Variants in KHDRBS3 observed in about 807,000 individuals in gnomAD.
The protein encoded by KHDRBS3 is KH domain-containing, RNA-binding, signal transduction-associated protein 3.
KHDRBS3 carries 23 observed loss-of-function variants against 45.6 expected under a neutral mutation model. That is an observed-to-expected ratio of 0.50 (90% CI 0.36 to 0.72). The LOEUF (loss-of-function observed/expected upper bound fraction) is 0.72. Ranked by LOEUF, KHDRBS3 falls within the 30% of genes least tolerant of loss-of-function variation. KHDRBS3 has a pLI of 0.00. For synonymous variants in KHDRBS3, 162 were observed against 156.5 expected (o/e 1.04, Z -0.26); for missense variants, 352 against 424.8 (o/e 0.83, Z 1.51).
intron 7 of KHDRBS3, among the ~76,000 whole-genome samples, chr8:135,630,899 T>G (rs955494494): frequency 5.3e-5 from 8 of 152,200 alleles, no homozygotes; most frequent in Admixed American, 2.0e-4. Context: ...GACGTTACTA[T>G]GCACTATTGT....
At chr8:135,591,053 T>A (rs1828720437) in intron 6 of KHDRBS3, among the ~76,000 whole-genome samples, 1 of 152,226 alleles carries the variant, frequency 6.6e-6, no homozygotes, top group African/African-American at 2.4e-5. Flanking sequence ...AACTATAAGA[T>A]GTTTGTTGAA....
At chr8:135,551,191 A>G (rs1014203382) in intron 4 of KHDRBS3, among the ~76,000 whole-genome samples, 1 of 152,118 alleles carries the variant, frequency 6.6e-6, no homozygotes, top group African/African-American at 2.4e-5. Flanking sequence ...TCATCTGTGA[A>G]TAAAGACAAC....
Position 135,457,821 on chromosome 8 carries a change from C to A in KHDRBS3, c.-46C>A, listed in dbSNP as rs761627193. On this transcript the variant is annotated 5_prime_UTR_variant, in exon 1 of 9. Coordinates refer to ENST00000355849, the MANE Select transcript of KHDRBS3 (RefSeq NM_006558.3). The surrounding 1 kb of genome is among the most constrained non-coding windows in gnomAD (Gnocchi z 4.4). ...GGGTCGGGGGTTGCCGGGCGCCGCC[C>A]CCCGTGCGCCTGGAGTCCACATCCC... 24 of 1,349,104 alleles carry A rather than the reference C, an allele frequency of 1.8e-5. No homozygotes were observed. The African/African-American group carries it at 3.2e-4, about 18-fold the overall frequency. 83.6% of individuals were successfully genotyped at this position (1,349,104 alleles called of 1,614,324 possible). A position where few individuals can be genotyped will look rare whatever the true frequency, so the allele number is the denominator to read the frequency against.
At chr8:135,561,636 T>C (rs765284357) in intron 5 of KHDRBS3, among the ~76,000 whole-genome samples, 9 of 152,118 alleles carry the variant, frequency 5.9e-5, no homozygotes, top group Non-Finnish European at 1.0e-4. Flanking sequence ...GATCACACTT[T>C]TAATACAAGA....
At chr8:135,535,336 C>T (rs1203742256) in intron 2 of KHDRBS3, among the ~76,000 whole-genome samples, 4 of 62,492 alleles carry the variant, frequency 6.4e-5, no homozygotes, top group Admixed American at 3.7e-4. Context: ...TATAGTTAAA[C>T]TATATATAAA....
At chr8:135,484,086 A>G (rs1822724022) in intron 1 of KHDRBS3, among the ~76,000 whole-genome samples, 1 of 152,208 alleles carries the variant, frequency 6.6e-6, no homozygotes, top group Non-Finnish European at 1.5e-5. Flanking sequence ...TCAGTAAATT[A>G]GAGGTAAAAT....
intron 5 of KHDRBS3, among the ~76,000 whole-genome samples, chr8:135,560,033 T>C (rs753167401): frequency 5.9e-5 from 9 of 152,112 alleles, no homozygotes; most frequent in Non-Finnish European, 1.0e-4. Context: ...CTGGGCAACA[T>C]AGCCAGACCC....
intron 2 of KHDRBS3, among the ~76,000 whole-genome samples, chr8:135,537,396 C>T (rs1825834626): frequency 6.6e-6 from 1 of 152,140 alleles, no homozygotes; most frequent in Non-Finnish European, 1.5e-5. Flanking sequence ...ACTGTAATTG[C>T]TCCCCAAGGA....
chr8:135,499,517 C>A lies in KHDRBS3; in HGVS notation c.89-21720C>A, dbSNP rs140216087. 2.9e-3 allele frequency among the ~76,000 whole-genome samples: 448 copies of A among 152,236 alleles called. 4 individuals are homozygous for A. Among genetic ancestry groups the A allele is most frequent in the African/African-American group, 0.01 (418 of 41,550 alleles). On this transcript the variant is annotated intron_variant, in intron 1 of 8. Coordinates refer to ENST00000355849, the MANE Select transcript of KHDRBS3 (RefSeq NM_006558.3). ...TTTTATCTACACAAAATGCAAATTG[C>A]AACACTTTTCTTATCTGGAACTTGG...
At chr8:135,594,944 A>C (rs1379683632) in intron 6 of KHDRBS3, among the ~76,000 whole-genome samples, 1 of 152,246 alleles carries the variant, frequency 6.6e-6, no homozygotes, top group Non-Finnish European at 1.5e-5. Flanking sequence ...TCCTGTAGGC[A>C]AAACCTAAAA....
rs976591384 is a variant in KHDRBS3, at chr8:135,481,189, A to G, written c.88+23235A>G. On this transcript the variant is annotated intron_variant, in intron 1 of 8. Transcript: ENST00000355849. ...TCTCTTTGACCCTGAGGTTACAATC[A>G]TGCTGGATTTCTTGTCTGATTCATG... Among the ~76,000 whole-genome samples the G allele has an allele frequency of 2.1e-5, 3 of 146,216 alleles. No individual in the cohort carries two copies. In the Admixed American group the frequency reaches 2.1e-4, roughly 10 times the overall value.
At chr8:135,503,325 G>A (rs1823828537) in intron 1 of KHDRBS3, among the ~76,000 whole-genome samples, 3 of 152,250 alleles carry the variant, frequency 2.0e-5, no homozygotes, top group East Asian at 1.9e-4. Flanking sequence ...CTACTGTCAC[G>A]GCACTATGGA....
intron 6 of KHDRBS3, among the ~76,000 whole-genome samples, chr8:135,595,138 G>C (rs1019312021): frequency 6.6e-6 from 1 of 152,114 alleles, no homozygotes; most frequent in African/African-American, 2.4e-5. Context: ...TTTATATAAA[G>C]CTCAAAGCCG....
At chr8:135,631,877 G>A (rs1269519004) in intron 7 of KHDRBS3, among the ~76,000 whole-genome samples, 1 of 152,074 alleles carries the variant, frequency 6.6e-6, no homozygotes, top group African/African-American at 2.4e-5. Context: ...ACTTTTATAT[G>A]ACCGGCAGCA....
chr8:135,513,928 T>C (rs1333472096), intron 1 of KHDRBS3, among the ~76,000 whole-genome samples: 1 of 152,198 alleles, frequency 6.6e-6, no homozygotes, highest in Non-Finnish European at 1.5e-5. Context: ...TGTACTCACT[T>C]AACTCTGTAA....
At chr8:135,589,151 T>C (rs766132999) in intron 6 of KHDRBS3, among the ~76,000 whole-genome samples, 22 of 152,194 alleles carry the variant, frequency 1.4e-4, no homozygotes, top group Admixed American at 2.0e-4. Flanking sequence ...ACTGGTAGTT[T>C]GGATGGATGG....
chr8:135,516,744 A>G lies in KHDRBS3; in HGVS notation c.89-4493A>G, dbSNP rs145340815. Among the ~76,000 whole-genome samples the G allele has an allele frequency of 3.0e-3, 452 of 152,274 alleles. 4 individuals carry two copies. Among genetic ancestry groups the G allele is most frequent in the African/African-American group, 0.01 (422 of 41,566 alleles). The stretch of plus-strand genomic sequence containing the variant: ...TTGATAAGACATTTAGGTGGTTCCC[A>G]GTGTTTTGCTATTAAAGACAATGCA... On this transcript the variant is annotated intron_variant, in intron 1 of 8. Transcript: ENST00000355849.
chr8:135,505,328 G>C (rs895008980), intron 1 of KHDRBS3, among the ~76,000 whole-genome samples: 3 of 152,100 alleles, frequency 2.0e-5, no homozygotes, highest in Non-Finnish European at 2.9e-5. Flanking sequence ...GCTGAGGCTT[G>C]GTCTGTCCTC....
At chr8:135,517,142 C>T (rs1377418486) in intron 1 of KHDRBS3, among the ~76,000 whole-genome samples, 1 of 152,146 alleles carries the variant, frequency 6.6e-6, no homozygotes, top group Non-Finnish European at 1.5e-5. Context: ...GTTTGGTGTA[C>T]ATGGTTTGAA....
Sources: gnomAD v4.1 joint callset for allele counts (sites outside exome capture counted in the v4.1 genomes callset) on GRCh38, gnomAD v4.1.1 for gene constraint, Gnocchi (gnomAD v3.1) non-coding constraint, MANE v1.5 for transcripts, NCBI Gene and HGNC (gene_info 2026-07-23, HGNC 2026-07-21) for gene names.